SRGAP1: variants seen among roughly 807,000 people sequenced by gnomAD.
SRGAP1 encodes SLIT-ROBO Rho GTPase-activating protein 1.
In SRGAP1, 43 loss-of-function variants were observed where a neutral mutation model predicts 121.9. The observed-to-expected ratio is 0.35, with a 90% CI of 0.28 to 0.46. The LOEUF (loss-of-function observed/expected upper bound fraction) is 0.46, where lower values mean the gene tolerates loss of function less well. Among genes scored for constraint, SRGAP1 ranks in the 20% least tolerant of loss-of-function variants. The probability of loss-of-function intolerance (pLI) is 1.00; values close to 1 mark genes in which losing one functional copy is unlikely to be tolerated. For synonymous variants in SRGAP1, 447 were observed against 485.4 expected (o/e 0.92, Z 1.04); for missense variants, 1,102 against 1,350.9 (o/e 0.82, Z 2.89).
chr12:64,041,197 A>G (rs905063818), intron 4 of SRGAP1, among the ~76,000 whole-genome samples: 2 of 152,214 alleles, frequency 1.3e-5, no homozygotes, highest in African/African-American at 4.8e-5. Context: ...GAACAGTCAT[A>G]TAGACAAATA....
At chr12:63,986,236 C>G (rs1463460409) in intron 2 of SRGAP1, among the ~76,000 whole-genome samples, 1 of 150,992 alleles carries the variant, frequency 6.6e-6, no homozygotes, top group East Asian at 1.9e-4. Context: ...CAACTTTAAC[C>G]TTTACTGTTG....
At chr12:64,120,924 C>T (rs978254579) in intron 18 of SRGAP1, among the ~76,000 whole-genome samples, 1 of 151,476 alleles carries the variant, frequency 6.6e-6, no homozygotes. Flanking sequence ...CTTTTAAATC[C>T]AGCATTTTTT....
At chr12:63,995,459 T>C (rs913663330) in intron 3 of SRGAP1, among the ~76,000 whole-genome samples, 2 of 152,208 alleles carry the variant, frequency 1.3e-5, no homozygotes, top group Non-Finnish European at 2.9e-5. Context: ...CCGTATGTCT[T>C]AGATAGTTCA....
intron 1 of SRGAP1, among the ~76,000 whole-genome samples, chr12:63,880,285 G>A (rs543491927): frequency 7.9e-4 from 120 of 152,170 alleles, no homozygotes; most frequent in Non-Finnish European, 6.3e-4. Flanking sequence ...AGGCTGGAGC[G>A]TAGTGGAGCA....
rs759121165 is a variant in SRGAP1 at position 64,154,958 on chromosome 12, A to C, written c.*12286A>C. 1.3e-5 allele frequency: 2 copies of C among 152,206 alleles called. No homozygotes were observed. Among genetic ancestry groups the C allele is most frequent in the Non-Finnish European group, 2.9e-5 (2 of 68,038 alleles). The allele number at this position is 152,206 out of a possible 1,614,324, so 9.4% of individuals were successfully genotyped here. A position where few individuals can be genotyped will look rare whatever the true frequency, so the allele number is the denominator to read the frequency against. ...AATGTGATCAGTACCCAGGGAAGAA[A>C]TGATTGCCATTTCTAGTGTGCATTT... On this transcript the variant is annotated 3_prime_UTR_variant, in exon 22 of 22. Transcript: ENST00000355086.
chr12:63,930,270 C>A (rs2031422468), intron 1 of SRGAP1, among the ~76,000 whole-genome samples: 1 of 138,848 alleles, frequency 7.2e-6, no homozygotes, highest in South Asian at 2.3e-4. Context: ...GTGGGCAGAT[C>A]ACTTGAGGTC....
Position 64,142,623 on chromosome 12 carries a change from G to A in SRGAP1, c.3209G>A (p.Gly1070Glu). 2 of 1,613,990 alleles carry A rather than the reference G, an allele frequency of 1.2e-6. No individual in the cohort carries two copies. Among genetic ancestry groups the A allele is most frequent in the Non-Finnish European group, 1.7e-6 (2 of 1,180,032 alleles). The change falls in exon 22 of 22, where the codon GGA becomes GAA. Residue 1070 changes from glycine to glutamate, a missense_variant. Transcript: ENST00000355086. ...AVLPKTNPTI[G>E]PAPPPQGPTD... ...CTTCCAAAAACAAATCCTACCATAGGACCTGCCCCACCTCCCCAGGGTCCA... is the reference window on the plus strand; with the variant it reads ...CTTCCAAAAACAAATCCTACCATAGAACCTGCCCCACCTCCCCAGGGTCCA...
rs941240305 is a variant in SRGAP1 at position 64,026,965 on chromosome 12, C to T, written c.489+9953C>T. Reference sequence around the variant, plus strand: ...TGATTCACTAACGTCCCAGAGCTAACTCATGGCCAGGTTGGAACTGAAACC... The same window carrying T: ...TGATTCACTAACGTCCCAGAGCTAATTCATGGCCAGGTTGGAACTGAAACC... On this transcript the variant is annotated intron_variant, in intron 4 of 21. Coordinates refer to ENST00000355086, the MANE Select transcript of SRGAP1 (RefSeq NM_020762.4). 1.3e-4 allele frequency among the ~76,000 whole-genome samples: 20 copies of T among 152,004 alleles called. 1 individual carries two copies. Among genetic ancestry groups the T allele is most frequent in the African/African-American group, 4.8e-4 (20 of 41,332 alleles).
rs147798365 is a variant in SRGAP1, at chr12:63,946,692, C to T, written c.68-37255C>T. Among the ~76,000 whole-genome samples the T allele has an allele frequency of 7.5e-3, 1,143 of 152,154 alleles. 16 individuals are homozygous for T. The highest frequency in any genetic ancestry group is 0.025 in the African/African-American group (1,057 of 41,516). On this transcript the variant is annotated intron_variant, in intron 1 of 21. Transcript: ENST00000355086. The stretch of plus-strand genomic sequence containing the variant: ...CCAGGTAGCTGGGACCACAGGCATG[C>T]ACCACCATGCCCGGCTAATTTTTTC...
chr12:63,923,006 G>A (rs2031125565), intron 1 of SRGAP1, among the ~76,000 whole-genome samples: 1 of 152,060 alleles, frequency 6.6e-6, no homozygotes, highest in East Asian at 1.9e-4. Context: ...TCTGCATTGC[G>A]TTTGCAGCTA....
In SRGAP1 at chr12:64,158,227, T is replaced by C. The variant is rs548857499; in HGVS notation, c.*15555T>C. 1 of 152,350 alleles carries C rather than the reference T, an allele frequency of 6.6e-6. No individual in the cohort carries two copies. Among genetic ancestry groups the C allele is most frequent in the Non-Finnish European group, 1.5e-5 (1 of 68,044 alleles). The allele number at this position is 152,350 out of a possible 1,614,324, so 9.4% of individuals were successfully genotyped here. A position where few individuals can be genotyped will look rare whatever the true frequency, so the allele number is the denominator to read the frequency against. ...TGCTATAATCAATGTTACTAAATTATCTAGGATTAGATGTTTCTAAATTAA... is the reference window on the plus strand; with the variant it reads ...TGCTATAATCAATGTTACTAAATTACCTAGGATTAGATGTTTCTAAATTAA... On this transcript the variant is annotated 3_prime_UTR_variant, in exon 22 of 22. Transcript: ENST00000355086.
intron 2 of SRGAP1, among the ~76,000 whole-genome samples, chr12:63,986,838 G>A (rs1486500148): frequency 6.6e-6 from 1 of 152,154 alleles, no homozygotes; most frequent in African/African-American, 2.4e-5. Flanking sequence ...GGATGGACAC[G>A]TTTTTGTTTC....
chr12:63,853,629 A>G lies in SRGAP1; in HGVS notation c.67+8746A>G, dbSNP rs1199163919. ...GAGCACCTACAGTGAGCCAGTCACC[A>G]TTGCTTTGCATGGGCACCATGAGGG... is the stretch of plus-strand genomic sequence containing the variant. On this transcript the variant is annotated intron_variant, in intron 1 of 21. Coordinates refer to ENST00000355086, the MANE Select transcript of SRGAP1 (RefSeq NM_020762.4). Among the ~76,000 whole-genome samples, 3 of 152,248 alleles carry G rather than the reference A, an allele frequency of 2.0e-5. 1 individual carries two copies. Among genetic ancestry groups the G allele is most frequent in the Non-Finnish European group, 4.4e-5 (3 of 68,046 alleles).
At chr12:63,996,212 A>G (rs2033700145) in intron 3 of SRGAP1, among the ~76,000 whole-genome samples, 1 of 152,072 alleles carries the variant, frequency 6.6e-6, no homozygotes, top group African/African-American at 2.4e-5. Flanking sequence ...TTTAGGCTCT[A>G]TCTTTTCACT....
chr12:64,107,193 G>A (rs2036358587), intron 15 of SRGAP1, among the ~76,000 whole-genome samples: 1 of 152,140 alleles, frequency 6.6e-6, no homozygotes. Flanking sequence ...CTATGCAAAA[G>A]GGAAAATAGA....
At chr12:64,122,590 C>A (rs1278804169) in intron 18 of SRGAP1, among the ~76,000 whole-genome samples, 2 of 152,098 alleles carry the variant, frequency 1.3e-5, no homozygotes, top group Non-Finnish European at 2.9e-5. Context: ...GTCTGATAAT[C>A]CTGTTGCTTG....
Position 63,983,997 on chromosome 12 carries a change from G to A in SRGAP1, c.118G>A (p.Glu40Lys). ...ACAAAAATGCCTGGAGCAGCAAACGGAGATGCGAGTTCAGCTTCTCCAGGA... is the reference window on the plus strand; with the variant it reads ...ACAAAAATGCCTGGAGCAGCAAACGAAGATGCGAGTTCAGCTTCTCCAGGA... ...EQQKCLEQQT[E>K]MRVQLLQDLQ... Residue 40 changes from glutamate (E) to lysine (K), a missense_variant, in exon 2 of 22, where the codon GAG (glutamate) becomes AAG (lysine). Physicochemically the swap from Glu to Lys is moderately conservative, Grantham distance 56 (BLOSUM62 1). Around this residue, in one of 3 missense-constraint regions of SRGAP1, gnomAD observed 747 missense variants for 929.4 expected, o/e 0.80. Transcript: ENST00000355086. The A allele has an allele frequency of 6.4e-7, 1 of 1,568,836 alleles. No individual in the cohort carries two copies. The highest frequency in any genetic ancestry group is 8.7e-7 in the Non-Finnish European group (1 of 1,151,128).
chr12:64,095,061 CT>C, intron 13 of SRGAP1, 65 bp from the exon 14 acceptor site: 3 of 1,609,310 alleles, frequency 1.9e-6, no homozygotes, highest in Non-Finnish European at 2.6e-6. Flanking sequence ...AATTTACTTC[CT>C]GGGAAAAGAG....
rs1252864048 is a variant in SRGAP1 at position 64,150,077 on chromosome 12, T to G, written c.*7405T>G. 3 of 151,120 alleles carry G rather than the reference T, an allele frequency of 2.0e-5. No individual in the cohort carries two copies. In the East Asian group the frequency reaches 5.9e-4, roughly 29 times the overall value. 9.4% of individuals were successfully genotyped at this position (151,120 alleles called of 1,614,324 possible). On this transcript the variant is annotated 3_prime_UTR_variant, in exon 22 of 22. Coordinates refer to ENST00000355086, the MANE Select transcript of SRGAP1 (RefSeq NM_020762.4). ...TAATAAAAACAAAATAGTTTTTCTA[T>G]CAAGGTCAGTCTCAGCAAGAGAAAT...
Sources: gnomAD v4.1 joint callset for allele counts (sites outside exome capture counted in the v4.1 genomes callset) on GRCh38, gnomAD v4.1.1 for gene constraint, gnomAD v4.1.1 regional missense constraint, MANE v1.5 for transcripts, NCBI Gene and HGNC (gene_info 2026-07-23, HGNC 2026-07-21) for gene names.